RNPC3: variants seen among roughly 807,000 people sequenced by gnomAD.
RNPC3 encodes the protein RNA-binding region-containing protein 3.
A neutral mutation model predicts 67.5 loss-of-function variants in RNPC3; 48 were observed. The observed-to-expected ratio is 0.71, with a 90% CI of 0.56 to 0.90. RNPC3 has a LOEUF of 0.90. RNPC3 is among the 40% of genes least tolerant of loss of function. The pLI, the probability that RNPC3 is intolerant of heterozygous loss-of-function variation, is 0.00. For missense variants in RNPC3, 637 were observed against 626.1 expected (o/e 1.02, Z -0.19); for synonymous variants, 239 against 210.3 (o/e 1.14, Z -1.18).
chr1:103,532,932 G>T (rs1650894697), intron 2 of RNPC3, among the ~76,000 whole-genome samples: 1 of 152,024 alleles, frequency 6.6e-6, no homozygotes, highest in Non-Finnish European at 1.5e-5. Flanking sequence ...AGCTTGTACA[G>T]AGTTTTACTG....
In RNPC3 at chr1:103,537,394, C is replaced by T; in HGVS notation, c.677C>T (p.Pro226Leu). Residue 226 changes from proline to leucine, a missense_variant, in exon 7 of 15, where the codon CCA becomes CTA. Coordinates refer to ENST00000423855, the MANE Select transcript of RNPC3 (RefSeq NM_017619.4). ...CCTCTTCCACCCACATCTCCTCAGC[C>T]ACCTGAGGAACCTCCTTTGCCAGAC... ...HAPLPPTSPQ[P>L]PEEPPLPDED... 3 of 1,533,644 alleles carry T rather than the reference C, an allele frequency of 2.0e-6. No homozygotes were observed. The highest frequency in any genetic ancestry group is 2.6e-6 in the Non-Finnish European group (3 of 1,144,106).
intron 4 of RNPC3, 32 bp from the exon 5 acceptor site, chr1:103,535,298 C>A: frequency 1.4e-6 from 2 of 1,380,460 alleles, no homozygotes; most frequent in Non-Finnish European, 2.0e-6. Context: ...ATTATGAAAA[C>A]ATAAGCATCT....
chr1:103,540,055 T>C (rs1045956205), intron 7 of RNPC3, among the ~76,000 whole-genome samples: 1 of 152,136 alleles, frequency 6.6e-6, no homozygotes, highest in Non-Finnish European at 1.5e-5. Context: ...TTTGTAGAGA[T>C]AGGGTTTCAC....
At chr1:103,546,938 C>G in intron 11 of RNPC3, 39 bp from the exon 12 acceptor site, 2 of 1,086,844 alleles carry the variant, frequency 1.8e-6, no homozygotes, top group Non-Finnish European at 2.6e-6. Context: ...TTTTTTTCCC[C>G]TGGCTTTGTT....
rs905343249 is a variant in RNPC3 at position 103,536,181 on chromosome 1, C to T, written c.611C>T (p.Ala204Val). ...NLPTPFGPIT[A>V]RPPMYEDYMP... ...CCCACACCTTTTGGACCAATTACTG[C>T]GCGACCTCCCATGGTAAGAAAACTC... Residue 204 changes from alanine to valine, a missense_variant, in exon 6 of 15, where the codon GCG becomes GTG. By Grantham distance (64) the Ala-to-Val change is moderately conservative. Coordinates refer to ENST00000423855, the MANE Select transcript of RNPC3 (RefSeq NM_017619.4). 5.9e-5 allele frequency: 91 copies of T among 1,534,962 alleles called. No individual in the cohort carries two copies. Among genetic ancestry groups the T allele is most frequent in the Non-Finnish European group, 7.1e-5 (81 of 1,145,188 alleles).
At position 103,541,440 on chromosome 1, in the gene RNPC3, G is replaced by T; in HGVS notation, c.858G>T (p.Lys286Asn). 6.7e-7 allele frequency: 1 copy of T among 1,491,968 alleles called. No homozygotes were observed. The highest frequency in any genetic ancestry group is 1.3e-5 in the South Asian group (1 of 77,388). 92.4% of individuals were successfully genotyped at this position (1,491,968 alleles called of 1,614,324 possible). A position where few individuals can be genotyped will look rare whatever the true frequency, so the allele number is the denominator to read the frequency against. ...ATGTGAGAAAAAAGAGAAAAATAAAGGATATGTTGAATACACCTTTGTGTC... is the reference window on the plus strand; with the variant it reads ...ATGTGAGAAAAAAGAGAAAAATAAATGATATGTTGAATACACCTTTGTGTC... ...QRHVRKKRKIKDMLNTPLCPS... is the reference protein window; with the variant it reads ...QRHVRKKRKINDMLNTPLCPS... Residue 286 changes from lysine (K) to asparagine (N), a missense_variant, in exon 8 of 15, where the codon AAG (lysine) becomes AAT (asparagine). Lys to Asn is a moderately conservative substitution (Grantham distance 94, BLOSUM62 0). Coordinates refer to ENST00000423855, the MANE Select transcript of RNPC3 (RefSeq NM_017619.4).
chr1:103,537,260 A>G, intron 6 of RNPC3, 82 bp from the exon 7 acceptor site: 2 of 959,406 alleles, frequency 2.1e-6, no homozygotes, highest in East Asian at 2.8e-5. Flanking sequence ...TGTGATAGAA[A>G]TGAGAATGAA....
At chr1:103,541,503 G>A (rs1301790904) in intron 8 of RNPC3, 28 bp downstream of exon 8, 3 of 1,468,864 alleles carry the variant, frequency 2.0e-6, no homozygotes, top group African/African-American at 2.9e-5. Flanking sequence ...AAGAAATGAG[G>A]GTTGTCTGTA....
At chr1:103,532,649 G>A (rs1305397811) in intron 2 of RNPC3, among the ~76,000 whole-genome samples, 1 of 152,082 alleles carries the variant, frequency 6.6e-6, no homozygotes, top group Non-Finnish European at 1.5e-5. Flanking sequence ...GAAGGCACAA[G>A]TCAAAGAGAT....
chr1:103,547,790 A>G (rs1651282410), intron 12 of RNPC3, among the ~76,000 whole-genome samples: 1 of 152,224 alleles, frequency 6.6e-6, no homozygotes, highest in African/African-American at 2.4e-5. Flanking sequence ...CTGCTGATAG[A>G]CATACCCGAG....
Position 103,544,957 on chromosome 1 carries a change from A to C in RNPC3, c.1062A>C (p.Glu354Asp), listed in dbSNP as rs988902037. ...AACTCTTAGATTTACCTGCTACTGA[A>C]GTTGATGCATCCAATATAGGATTTG... is the stretch of plus-strand genomic sequence containing the variant. The part of the protein sequence containing the change: ...EEKNHDLPAT[E>D]VDASNIGFGK... Residue 354 changes from glutamate to aspartate, a missense_variant, in exon 10 of 15, where the codon GAA becomes GAC. Transcript: ENST00000423855. 1 of 1,527,192 alleles carries C rather than the reference A, an allele frequency of 6.5e-7. No homozygotes were observed. The highest frequency in any genetic ancestry group is 8.8e-7 in the Non-Finnish European group (1 of 1,141,782). 94.6% of individuals were successfully genotyped at this position (1,527,192 alleles called of 1,614,324 possible).
intron 6 of RNPC3, among the ~76,000 whole-genome samples, chr1:103,536,939 G>A (rs1274425988): frequency 6.6e-6 from 1 of 152,130 alleles, no homozygotes; most frequent in Non-Finnish European, 1.5e-5. Context: ...GTAGAGCAGA[G>A]GGATATTTTG....
chr1:103,533,168 A>G (rs372915022), intron 2 of RNPC3, among the ~76,000 whole-genome samples: 6 of 152,068 alleles, frequency 3.9e-5, no homozygotes, highest in Admixed American at 6.5e-5. Flanking sequence ...GCATGTGGAT[A>G]GTTAATAGAT....
At chr1:103,530,993 C>T (rs927830078) in intron 2 of RNPC3, among the ~76,000 whole-genome samples, 2 of 152,146 alleles carry the variant, frequency 1.3e-5, no homozygotes, top group Non-Finnish European at 2.9e-5. Context: ...CCCTCACCCC[C>T]ACTCCCAACA....
intron 7 of RNPC3, among the ~76,000 whole-genome samples, chr1:103,540,307 G>T (rs1386216281): frequency 3.9e-5 from 6 of 152,136 alleles, no homozygotes; most frequent in Non-Finnish European, 8.8e-5. Flanking sequence ...GTTTAAATTT[G>T]TGTCTCATCC....
Position 103,534,805 on chromosome 1 carries a change from A to G in RNPC3, c.391A>G (p.Lys131Glu). The G allele has an allele frequency of 6.5e-7, 1 of 1,532,728 alleles. No individual in the cohort carries two copies. Among genetic ancestry groups the G allele is most frequent in the Non-Finnish European group, 8.7e-7 (1 of 1,144,752 alleles). 94.9% of individuals were successfully genotyped at this position (1,532,728 alleles called of 1,614,324 possible). ...SDDPVEDDKE[K>E]KELGYLTVEN... is the part of the protein sequence containing the mutation. ...TGACCCTGTCGAAGATGATAAAGAAAAAAAAGAACTTGGTTATTTAACAGT... is the reference window on the plus strand; with the variant it reads ...TGACCCTGTCGAAGATGATAAAGAAGAAAAAGAACTTGGTTATTTAACAGT... Residue 131 changes from lysine to glutamate, a missense_variant, in exon 4 of 15, where the codon AAA becomes GAA. Coordinates refer to ENST00000423855, the MANE Select transcript of RNPC3 (RefSeq NM_017619.4).
intron 1 of RNPC3, among the ~76,000 whole-genome samples, chr1:103,526,491 A>G (rs1359447328): frequency 6.6e-6 from 1 of 152,206 alleles, no homozygotes; most frequent in Non-Finnish European, 1.5e-5. Flanking sequence ...AGTGAGAACG[A>G]CAAAGCAGAA....
chr1:103,553,405 G>A (rs999085858), intron 14 of RNPC3: 3 of 151,954 alleles, frequency 2.0e-5, no homozygotes, highest in African/African-American at 7.3e-5. Flanking sequence ...TGTTGATCCA[G>A]GTTAAGGAAT....
At chr1:103,552,726 A>C (rs906435703) in intron 14 of RNPC3, 6 of 151,882 alleles carry the variant, frequency 4.0e-5, no homozygotes, top group Admixed American at 1.3e-4. Flanking sequence ...AGATCACGCC[A>C]CTGCACTCCA....
Sources: allele counts gnomAD v4.1 joint callset (sites outside exome capture counted in the v4.1 genomes callset), GRCh38; gene constraint gnomAD v4.1.1; transcripts MANE v1.5; gene names NCBI Gene and HGNC (gene_info 2026-07-23, HGNC 2026-07-21).